The following APBA2 variants were observed in gnomAD, a reference collection of about 807,000 sequenced individuals.
APBA2 encodes amyloid beta precursor protein binding family A member 2.
In APBA2, 30 loss-of-function variants were observed where a neutral mutation model predicts 75.0. That is an observed-to-expected ratio of 0.40 (90% CI 0.30 to 0.54). The LOEUF (loss-of-function observed/expected upper bound fraction) is 0.54. APBA2 is among the 20% of genes least tolerant of loss of function. The pLI is 0.49. For synonymous variants in APBA2, 444 were observed against 409.6 expected (o/e 1.08, Z -1.01); for missense variants, 801 against 1,016.1 (o/e 0.79, Z 2.88).
intron 2 of APBA2, among the ~76,000 whole-genome samples, chr15:28,994,592 T>C (rs112391432): frequency 0.013 from 2,006 of 152,288 alleles, 57 homozygotes; most frequent in African/African-American, 0.046. Context: ...CTCAGAGACG[T>C]TGGGTCATCT....
intron 1 of APBA2, among the ~76,000 whole-genome samples, chr15:28,914,065 T>C (rs1199630292): frequency 1.3e-5 from 2 of 152,238 alleles, no homozygotes; most frequent in African/African-American, 4.8e-5. Flanking sequence ...AAAAAATATT[T>C]TAGTCTTCTA....
chr15:28,981,150 A>G (rs113796973), intron 2 of APBA2, among the ~76,000 whole-genome samples: 4,219 of 152,326 alleles, frequency 0.028, 75 homozygotes, highest in Non-Finnish European at 0.031. Context: ...AAGCAATTGC[A>G]ACAAAAACAA....
intron 2 of APBA2, among the ~76,000 whole-genome samples, chr15:28,942,983 C>T (rs961962970): frequency 2.0e-5 from 3 of 152,238 alleles, no homozygotes; most frequent in African/African-American, 7.2e-5. Context: ...GAGATGTTTT[C>T]AGCCCTCTAA....
chr15:29,066,002 G>A (rs1361421259), intron 4 of APBA2, among the ~76,000 whole-genome samples: 1 of 152,202 alleles, frequency 6.6e-6, no homozygotes, highest in African/African-American at 2.4e-5. Flanking sequence ...GGCTGTTGCT[G>A]TGTGTGGCGG....
chr15:29,027,273 G>A lies in APBA2; in HGVS notation c.-40-26572G>A, dbSNP rs140032415. ...TAAAACGTGTTTGTCAATTCATCTC[G>A]GTCTGGCCTTTATTAGGTTACCTTG... On this transcript the variant is annotated intron_variant, in intron 3 of 14. Coordinates refer to ENST00000683413, the MANE Select transcript of APBA2 (RefSeq NM_001353788.2). Among the ~76,000 whole-genome samples the A allele has an allele frequency of 7.5e-3, 1,142 of 152,012 alleles. 21 individuals are homozygous for A. Among genetic ancestry groups the A allele is most frequent in the African/African-American group, 0.027 (1,104 of 41,462 alleles).
At chr15:29,076,366 A>G (rs150406352) in intron 6 of APBA2, among the ~76,000 whole-genome samples, 242 of 152,272 alleles carry the variant, frequency 1.6e-3, no homozygotes, top group Middle Eastern at 6.9e-3. Flanking sequence ...CTGATGACTG[A>G]ATAGATTGAG....
At chr15:28,959,494 G>A (rs8043183) in intron 2 of APBA2, among the ~76,000 whole-genome samples, 4,217 of 152,296 alleles carry the variant, frequency 0.028, 75 homozygotes, top group Non-Finnish European at 0.031. Flanking sequence ...ACGGATGGCC[G>A]TGTACATACA....
rs556694207 is a variant in APBA2, at chr15:28,943,296, G to A, written c.-95+21547G>A. Among the ~76,000 whole-genome samples, 6 of 152,232 alleles carry A rather than the reference G, an allele frequency of 3.9e-5. No homozygotes were observed. The South Asian group carries it at 8.3e-4, about 21-fold the overall frequency. ...ACCTGCCTCTGCCTGGGAGTGACACGGTCCCCTCTGCTCACGTGCCATGGA... is the reference window on the plus strand; with the variant it reads ...ACCTGCCTCTGCCTGGGAGTGACACAGTCCCCTCTGCTCACGTGCCATGGA... On this transcript the variant is annotated intron_variant, in intron 2 of 14. Transcript: ENST00000683413.
At position 28,918,791 on chromosome 15, in the gene APBA2, C is replaced by G. The variant is rs1341095112; in HGVS notation, c.-204-2849C>G. Among the ~76,000 whole-genome samples, 2 of 151,992 alleles carry G rather than the reference C, an allele frequency of 1.3e-5. No homozygotes were observed. The highest frequency in any genetic ancestry group is 4.8e-5 in the African/African-American group (2 of 41,392). ...TGGGGTTGTTGCCCACATCACCGAG[C>G]GAACGTTCCTGTCCCGCCCACTCAC... On this transcript the variant is annotated intron_variant, in intron 1 of 14. Transcript: ENST00000683413. This position sits in a 1 kb window ranked among gnomAD's most constrained non-coding sequence, Gnocchi z 4.2.
At chr15:29,028,624 A>T (rs1414043441) in intron 3 of APBA2, among the ~76,000 whole-genome samples, 2 of 152,128 alleles carry the variant, frequency 1.3e-5, no homozygotes, top group Non-Finnish European at 2.9e-5. Context: ...ATTCCCACCA[A>T]CAGTATACAA....
chr15:28,965,012 G>A (rs2036665213), intron 2 of APBA2, among the ~76,000 whole-genome samples: 1 of 151,690 alleles, frequency 6.6e-6, no homozygotes, highest in South Asian at 2.1e-4. Context: ...TATGGATATT[G>A]TGTTTGGTGT....
At chr15:28,887,609 G>A (rs1461751092) in intron 1 of APBA2, among the ~76,000 whole-genome samples, 1 of 152,142 alleles carries the variant, frequency 6.6e-6, no homozygotes, top group Non-Finnish European at 1.5e-5. Flanking sequence ...GGGTGACCGT[G>A]GGGGCTGCTT....
chr15:29,112,345 G>A lies in APBA2; in HGVS notation c.2038-1531G>A, dbSNP rs1033538803. ...AACATTCCCTGTGGCAGGTGGCAAT[G>A]CTTAGCACCCAGAGCGAGCAGTCAG... On this transcript the variant is annotated intron_variant, in intron 13 of 14. Transcript: ENST00000683413. Among the ~76,000 whole-genome samples the A allele has an allele frequency of 3.3e-5, 5 of 152,364 alleles. No homozygotes were observed. In the East Asian group the frequency reaches 7.7e-4, roughly 23 times the overall value.
chr15:29,110,223 C>G (rs2044656152), intron 13 of APBA2, among the ~76,000 whole-genome samples: 1 of 152,222 alleles, frequency 6.6e-6, no homozygotes, highest in South Asian at 2.1e-4. Flanking sequence ...CACCCCAGCA[C>G]TGGGGACAGT....
chr15:28,969,485 C>T (rs2036949851), intron 2 of APBA2, among the ~76,000 whole-genome samples: 1 of 152,174 alleles, frequency 6.6e-6, no homozygotes, highest in South Asian at 2.1e-4. Context: ...GGGCCTTAAC[C>T]TTTCATTTCA....
chr15:28,908,948 C>T (rs1484614235), intron 1 of APBA2, among the ~76,000 whole-genome samples: 2 of 151,708 alleles, frequency 1.3e-5, no homozygotes, highest in Non-Finnish European at 2.9e-5. Flanking sequence ...ACTCCTCCTT[C>T]CACCTCCCCC....
chr15:29,104,042 C>T (rs759140894), intron 10 of APBA2, among the ~76,000 whole-genome samples: 1 of 152,256 alleles, frequency 6.6e-6, no homozygotes, highest in Non-Finnish European at 1.5e-5. Flanking sequence ...GAGGGCAGTT[C>T]CACGCCTGCT....
intron 2 of APBA2, among the ~76,000 whole-genome samples, chr15:28,987,532 C>T (rs894561941): frequency 1.3e-5 from 2 of 151,766 alleles, no homozygotes; most frequent in African/African-American, 4.8e-5. Flanking sequence ...CCCCCAGCCT[C>T]AGTGATTCAA....
intron 2 of APBA2, among the ~76,000 whole-genome samples, chr15:28,936,116 TGCACTGATTGCGGCATTAGAA>T (rs2034853793): frequency 6.6e-6 from 1 of 152,202 alleles, no homozygotes; most frequent in Non-Finnish European, 1.5e-5. Context: ...GAGTTTGGCT[TGCACTGATTGCGGCATTAGAA>T]GCGGCCCTGT....
Sources: gnomAD v4.1 joint callset for allele counts (sites outside exome capture counted in the v4.1 genomes callset) on GRCh38, gnomAD v4.1.1 for gene constraint, Gnocchi (gnomAD v3.1) non-coding constraint, MANE v1.5 for transcripts, NCBI Gene and HGNC (gene_info 2026-07-23, HGNC 2026-07-21) for gene names.